The following FOXP1 variants were observed in gnomAD, a reference collection of about 807,000 sequenced individuals.
FOXP1 encodes the protein forkhead box P1.
A neutral mutation model predicts 98.2 loss-of-function variants in FOXP1; 15 were observed. The ratio of observed to expected loss-of-function variants is 0.15; its 90% CI spans 0.10 to 0.24. The LOEUF (loss-of-function observed/expected upper bound fraction) is 0.24, where lower values mean the gene tolerates loss of function less well. Ranked by LOEUF, FOXP1 falls within the 10% of genes least tolerant of loss-of-function variation. The probability of loss-of-function intolerance (pLI) is 1.00; values close to 1 mark genes in which losing one functional copy is unlikely to be tolerated. For missense variants in FOXP1, 633 were observed against 848.5 expected (o/e 0.75, Z 3.15); for synonymous variants, 371 against 314.5 (o/e 1.18, Z -1.90).
chr3:71,464,961 T>C (rs919565862), intron 3 of FOXP1, among the ~76,000 whole-genome samples: 4 of 152,186 alleles, frequency 2.6e-5, no homozygotes, highest in Non-Finnish European at 5.9e-5. Flanking sequence ...ACCTGCCTCA[T>C]AGGGTTTTCT....
intron 5 of FOXP1, among the ~76,000 whole-genome samples, chr3:71,243,299 A>G (rs2067442249): frequency 6.6e-6 from 1 of 152,194 alleles, no homozygotes; most frequent in African/African-American, 2.4e-5. Flanking sequence ...AATACACTGA[A>G]TTTCTATTTT....
At chr3:71,428,496 G>A (rs1027253230) in intron 3 of FOXP1, among the ~76,000 whole-genome samples, 4 of 152,232 alleles carry the variant, frequency 2.6e-5, no homozygotes, top group Non-Finnish European at 4.4e-5. Flanking sequence ...CCACCCCTTC[G>A]GGTTTGGAAA....
chr3:71,517,071 T>A (rs1309619143), intron 2 of FOXP1, among the ~76,000 whole-genome samples: 1 of 152,214 alleles, frequency 6.6e-6, no homozygotes, highest in Admixed American at 6.5e-5. Context: ...GTCAGCCACA[T>A]TAGTTGGTCC....
intron 4 of FOXP1, among the ~76,000 whole-genome samples, chr3:71,328,437 C>T (rs1289291271): frequency 3.3e-5 from 5 of 152,182 alleles, no homozygotes; most frequent in Non-Finnish European, 7.3e-5. Context: ...AATATCATTG[C>T]TTGCTCCTTA....
intron 3 of FOXP1, among the ~76,000 whole-genome samples, chr3:71,373,748 T>C (rs983788830): frequency 1.3e-5 from 2 of 152,158 alleles, no homozygotes; most frequent in African/African-American, 4.8e-5. Context: ...CACATGCTTG[T>C]TGAGCCTATG....
intron 2 of FOXP1, among the ~76,000 whole-genome samples, chr3:71,511,072 A>G (rs372299991): frequency 6.6e-6 from 1 of 152,202 alleles, no homozygotes; most frequent in Admixed American, 6.5e-5. Flanking sequence ...GGTGATAATA[A>G]AAGGCTTTTC....
intron 3 of FOXP1, among the ~76,000 whole-genome samples, chr3:71,424,343 T>C (rs1460707764): frequency 6.6e-6 from 1 of 152,220 alleles, no homozygotes; most frequent in African/African-American, 2.4e-5. Flanking sequence ...GCTCTGGCGA[T>C]GTTGCAAGCA....
chr3:71,266,745 C>T (rs145582133), intron 5 of FOXP1, among the ~76,000 whole-genome samples: 181 of 152,224 alleles, frequency 1.2e-3, no homozygotes, highest in African/African-American at 4.2e-3. Flanking sequence ...TTTGGGGTCT[C>T]CAGTGTCTAT....
intron 6 of FOXP1, among the ~76,000 whole-genome samples, chr3:71,158,239 C>G (rs7650867): frequency 0.27 from 40,122 of 150,626 alleles, 5,969 homozygotes; most frequent in East Asian, 0.51. Context: ...AGAAGAGAGA[C>G]AGAAAGAGTG....
At chr3:71,246,269 C>T (rs183682470) in intron 5 of FOXP1, among the ~76,000 whole-genome samples, 433 of 152,218 alleles carry the variant, frequency 2.8e-3, no homozygotes, top group Middle Eastern at 6.8e-3. Context: ...TGTGCAAGGA[C>T]GGGAGGACAG....
chr3:71,046,967 G>C lies in FOXP1; in HGVS notation c.639C>G (p.Ala213=). The C allele has an allele frequency of 6.2e-7, 1 of 1,614,060 alleles. No homozygotes were observed. Among genetic ancestry groups the C allele is most frequent in the Non-Finnish European group, 8.5e-7 (1 of 1,179,956 alleles). ...CTTGAGCAAGAGGTTGAAGGGGAAG[G>C]GCAGGCTGCCCGGGCTGAATTGTCA... ...GLLTIQPGQP[A]LPLQPLAQGM... Residue 213 remains alanine (A), a synonymous_variant, in exon 10 of 21, where the codon GCC becomes GCG. Coordinates refer to ENST00000649528, the MANE Select transcript of FOXP1 (RefSeq NM_001349338.3).
chr3:71,383,677 C>A (rs527672636), intron 3 of FOXP1, among the ~76,000 whole-genome samples: 1 of 152,102 alleles, frequency 6.6e-6, no homozygotes, highest in African/African-American at 2.4e-5. Context: ...CTAAAAAGAT[C>A]ATTTTACTAG....
At chr3:71,396,368 C>G (rs938824612) in intron 3 of FOXP1, among the ~76,000 whole-genome samples, 1 of 152,108 alleles carries the variant, frequency 6.6e-6, no homozygotes, top group Non-Finnish European at 1.5e-5. Context: ...TTAGTTTAAT[C>G]AACTCAAGTC....
chr3:71,158,083 A>AGAAGGAAGGAAG (rs1238796330), intron 6 of FOXP1, among the ~76,000 whole-genome samples: 2 of 42,110 alleles, frequency 4.7e-5, no homozygotes, highest in African/African-American at 1.1e-4. Context: ...GTAAGACGAA[A>AGAAGGAAGGAAG]GAAGGAAGGA....
chr3:71,030,645 TG>T (rs1481528686), intron 11 of FOXP1, among the ~76,000 whole-genome samples: 1 of 152,240 alleles, frequency 6.6e-6, no homozygotes, highest in African/African-American at 2.4e-5. Context: ...GGATATACCT[TG>T]GAAGTGTCCT....
intron 6 of FOXP1, among the ~76,000 whole-genome samples, chr3:71,188,653 G>C (rs2062793269): frequency 6.6e-6 from 1 of 152,124 alleles, no homozygotes; most frequent in Admixed American, 6.5e-5. Flanking sequence ...CCTGACCTCA[G>C]GTGATCCGCC....
At chr3:71,536,958 C>T (rs2044347185) in intron 2 of FOXP1, among the ~76,000 whole-genome samples, 1 of 152,158 alleles carries the variant, frequency 6.6e-6, no homozygotes, top group Non-Finnish European at 1.5e-5. Flanking sequence ...CCCCTGCTGA[C>T]TCTGCCTCCT....
At chr3:71,186,918 C>A (rs1311841179) in intron 6 of FOXP1, among the ~76,000 whole-genome samples, 1 of 152,192 alleles carries the variant, frequency 6.6e-6, no homozygotes, top group African/African-American at 2.4e-5. Context: ...ATATCTTAGG[C>A]TTTGTGAGCC....
intron 5 of FOXP1, among the ~76,000 whole-genome samples, chr3:71,225,083 A>G (rs190479946): frequency 5.9e-5 from 9 of 152,372 alleles, no homozygotes; most frequent in Admixed American, 5.9e-4. Flanking sequence ...TGAACAAGCA[A>G]CATTGGATAA....
Sources: allele counts gnomAD v4.1 joint callset (sites outside exome capture counted in the v4.1 genomes callset), GRCh38; gene constraint gnomAD v4.1.1; transcripts MANE v1.5; gene names NCBI Gene and HGNC (gene_info 2026-07-23, HGNC 2026-07-21).